MYO7B: variants seen among roughly 807,000 people sequenced by gnomAD.
MYO7B encodes unconventional myosin-VIIb.
MYO7B carries 212 observed loss-of-function variants against 259.7 expected under a neutral mutation model. The observed-to-expected ratio is 0.82, with a 90% CI of 0.73 to 0.91. The LOEUF (loss-of-function observed/expected upper bound fraction) is 0.91. Among genes scored for constraint, MYO7B ranks in the 40% least tolerant of loss-of-function variants. The pLI is 0.00. For synonymous variants in MYO7B, 1,197 were observed against 1,166.4 expected (o/e 1.03, Z -0.54); for missense variants, 2,732 against 2,813.5 (o/e 0.97, Z 0.66).
intron 39 of MYO7B, among the ~76,000 whole-genome samples, chr2:127,633,044 C>T (rs1216282201): frequency 6.6e-6 from 1 of 152,250 alleles, no homozygotes; most frequent in Non-Finnish European, 1.5e-5. Flanking sequence ...GTGTGTGCCC[C>T]AGGCTTTCAG....
Position 127,620,482 on chromosome 2 carries a change from A to AAGGG in MYO7B, c.3525+21_3525+24dup, listed in dbSNP as rs753781725. 6 of 1,146,084 alleles carry AAGGG rather than the reference A, an allele frequency of 5.2e-6. No individual in the cohort carries two copies. The highest frequency in any genetic ancestry group is 2.6e-4 in the Middle Eastern group (1 of 3,788). The allele number at this position is 1,146,084 out of a possible 1,614,324, so 71.0% of individuals were successfully genotyped here. On this transcript the variant is annotated intron_variant, in intron 27 of 47. Transcript: ENST00000409816. ...GTTCATGAAGGTGAGAGGGTTCATGAAGGGAGGGCGGGCAGGGGGCAGGTT... is the reference window on the plus strand; with the variant it reads ...GTTCATGAAGGTGAGAGGGTTCATGAAGGGAGGGAGGGCGGGCAGGGGGCAGGTT...
intron 1 of MYO7B, among the ~76,000 whole-genome samples, chr2:127,543,087 G>T (rs534030486): frequency 6.6e-6 from 1 of 152,276 alleles, no homozygotes; most frequent in South Asian, 2.1e-4. Flanking sequence ...GCAAAGAGGC[G>T]TTCCTCTTTT....
chr2:127,635,278 A>G, intron 43 of MYO7B, 52 bp downstream of exon 43: 1 of 1,514,518 alleles, frequency 6.6e-7, no homozygotes. Flanking sequence ...ATCTTCCCAC[A>G]CCTGTTCTGA....
At position 127,581,904 on chromosome 2, in the gene MYO7B, A is replaced by C. The variant is rs750226044; in HGVS notation, c.1094A>C (p.Glu365Ala). The C allele has an allele frequency of 6.2e-7, 1 of 1,613,766 alleles. No homozygotes were observed. Among genetic ancestry groups the C allele is most frequent in the Non-Finnish European group, 8.5e-7 (1 of 1,179,838 alleles). The change falls in exon 11 of 48, where the codon GAG (glutamate) becomes GCG (alanine). Residue 365 changes from glutamate to alanine, a missense_variant. Physicochemically the swap from Glu to Ala is moderately radical, Grantham distance 107. Around this residue, in one of 3 missense-constraint regions of MYO7B, gnomAD observed 1,906 missense variants for 2,026.4 expected, o/e 0.94. Coordinates refer to ENST00000409816, the MANE Select transcript of MYO7B (RefSeq NM_001393586.1). ...CTGCCTCCCCAGGTGCAGCACCAGG[A>C]GCTCCGGGACTGTCTGATCAAGCAC... is the stretch of plus-strand genomic sequence containing the variant. ...VMKLLEVQHQ[E>A]LRDCLIKHTI...
intron 7 of MYO7B, 31 bp downstream of exon 7, chr2:127,574,093 T>C: frequency 2.5e-6 from 4 of 1,612,778 alleles, no homozygotes; most frequent in African/African-American, 1.3e-5. Context: ...GGTCGGGAGT[T>C]GAGGGAATGG....
intron 1 of MYO7B, among the ~76,000 whole-genome samples, chr2:127,543,871 A>G (rs893553777): frequency 3.3e-5 from 5 of 151,814 alleles, no homozygotes; most frequent in African/African-American, 7.3e-5. Context: ...CAGCCTCCCA[A>G]ATAGCTGGGA....
At chr2:127,589,855 G>T (rs1393925934) in intron 15 of MYO7B, among the ~76,000 whole-genome samples, 2 of 137,340 alleles carry the variant, frequency 1.5e-5, no homozygotes, top group East Asian at 4.5e-4. Flanking sequence ...ATGGGTGGTG[G>T]GCGGGTGGAT....
chr2:127,621,951 C>T, intron 27 of MYO7B, 31 bp from the exon 28 acceptor site: 1 of 1,551,722 alleles, frequency 6.4e-7, no homozygotes, highest in East Asian at 2.4e-5. Context: ...TTCTGAGTGT[C>T]TTCCTCCCTT....
chr2:127,580,831 G>A lies in MYO7B; in HGVS notation c.1080+9G>A. The stretch of plus-strand genomic sequence containing the variant: ...TGATGAAGTTACTGGAGGTAGGGGT[G>A]CTGTGCCCACAGCTTCCATTTTGGT... On this transcript the variant is annotated intron_variant, in intron 10 of 47. Coordinates refer to ENST00000409816, the MANE Select transcript of MYO7B (RefSeq NM_001393586.1). 6.2e-7 allele frequency: 1 copy of A among 1,611,228 alleles called. No homozygotes were observed. Among genetic ancestry groups the A allele is most frequent in the Non-Finnish European group, 8.5e-7 (1 of 1,178,774 alleles).
rs1406862925 is a variant in MYO7B at position 127,546,546 on chromosome 2, C to T, written c.-24+10715C>T. Among the ~76,000 whole-genome samples, 1 of 152,228 alleles carries T rather than the reference C, an allele frequency of 6.6e-6. No individual in the cohort carries two copies. The highest frequency in any genetic ancestry group is 1.5e-5 in the Non-Finnish European group (1 of 68,044). On this transcript the variant is annotated intron_variant, in intron 1 of 47. Coordinates refer to ENST00000409816, the MANE Select transcript of MYO7B (RefSeq NM_001393586.1). This position sits in a 1 kb window ranked among gnomAD's most constrained non-coding sequence, Gnocchi z 4.2. ...CTTTGAGGAGGGCTTTGAGAACTAGCAGTTTACCCTTCTCTTCTCAGGTGA... is the reference window on the plus strand; with the variant it reads ...CTTTGAGGAGGGCTTTGAGAACTAGTAGTTTACCCTTCTCTTCTCAGGTGA...
At chr2:127,612,655 T>C (rs1680432101) in intron 26 of MYO7B, 52 bp downstream of exon 26, 1 of 1,591,056 alleles carries the variant, frequency 6.3e-7, no homozygotes, top group African/African-American at 1.3e-5. Flanking sequence ...ATGCCCTCAC[T>C]GGCTCTCAGC....
chr2:127,616,119 A>C (rs1028950380), intron 26 of MYO7B, among the ~76,000 whole-genome samples: 2 of 152,220 alleles, frequency 1.3e-5, no homozygotes. Flanking sequence ...TCTTTGGTTA[A>C]TTACCGCGGG....
chr2:127,636,421 G>C lies in MYO7B; in HGVS notation c.6123+97G>C. The stretch of plus-strand genomic sequence containing the variant: ...GTCAACCAGCACACATCTTGGGTGG[G>C]GCTGGCCGTGAGGCTGGAGGGCGTG... On this transcript the variant is annotated intron_variant, in intron 45 of 47. Coordinates refer to ENST00000409816, the MANE Select transcript of MYO7B (RefSeq NM_001393586.1). This position sits in a 1 kb window ranked among gnomAD's most constrained non-coding sequence, Gnocchi z 4.5. The C allele has an allele frequency of 6.9e-7, 1 of 1,440,042 alleles. No homozygotes were observed. Among genetic ancestry groups the C allele is most frequent in the Non-Finnish European group, 9.7e-7 (1 of 1,032,830 alleles). The allele number at this position is 1,440,042 out of a possible 1,614,324, so 89.2% of individuals were successfully genotyped here. A position where few individuals can be genotyped will look rare whatever the true frequency, so the allele number is the denominator to read the frequency against.
At chr2:127,600,118 T>C (rs1276533314) in intron 19 of MYO7B, among the ~76,000 whole-genome samples, 9 of 152,212 alleles carry the variant, frequency 5.9e-5, no homozygotes, top group Admixed American at 5.9e-4. Flanking sequence ...AGTGAAAATA[T>C]CTGGGCCTGG....
intron 3 of MYO7B, among the ~76,000 whole-genome samples, chr2:127,564,532 G>A (rs1678249763): frequency 6.6e-6 from 1 of 152,206 alleles, no homozygotes; most frequent in African/African-American, 2.4e-5. Context: ...AAATGAAACG[G>A]GCAAGGGGGA....
intron 9 of MYO7B, among the ~76,000 whole-genome samples, chr2:127,579,174 C>T (rs1004887960): frequency 2.6e-5 from 4 of 151,950 alleles, no homozygotes; most frequent in East Asian, 1.9e-4. Flanking sequence ...GGGAGGACAC[C>T]GTGGCAGAGG....
At chr2:127,631,115 T>C in intron 36 of MYO7B, 91 bp from the exon 37 acceptor site, 1 of 1,455,068 alleles carries the variant, frequency 6.9e-7, no homozygotes, top group Non-Finnish European at 9.1e-7. Flanking sequence ...GCTCTGGCCC[T>C]CCCACAGCCA....
chr2:127,623,559 C>A (rs1382219509), intron 29 of MYO7B, among the ~76,000 whole-genome samples, 184 bp downstream of exon 29: 3 of 152,172 alleles, frequency 2.0e-5, no homozygotes, highest in Non-Finnish European at 4.4e-5. Flanking sequence ...AGCAAACAGC[C>A]TTTCCTCCCG....
chr2:127,537,054 T>A (rs1349363023), intron 1 of MYO7B, among the ~76,000 whole-genome samples: 1 of 152,244 alleles, frequency 6.6e-6, no homozygotes, highest in Non-Finnish European at 1.5e-5. Flanking sequence ...AAGATCTTAA[T>A]TGGCTTTTAT....
Sources: gnomAD v4.1 joint callset for allele counts (sites outside exome capture counted in the v4.1 genomes callset) on GRCh38, gnomAD v4.1.1 for gene constraint, gnomAD v4.1.1 regional missense constraint, Gnocchi (gnomAD v3.1) non-coding constraint, MANE v1.5 for transcripts, NCBI Gene and HGNC (gene_info 2026-07-23, HGNC 2026-07-21) for gene names.